The following QTRT2 variants were observed in gnomAD, a reference collection of about 807,000 sequenced individuals.
QTRT2 encodes queuine tRNA-ribosyltransferase domain containing 1.
QTRT2 carries 32 observed loss-of-function variants against 44.8 expected under a neutral mutation model. The ratio of observed to expected loss-of-function variants is 0.71; its 90% CI spans 0.54 to 0.96. The LOEUF is 0.96. QTRT2 is among the 40% of genes least tolerant of loss of function. QTRT2 has a pLI of 0.00. For synonymous variants in QTRT2, 182 were observed against 187.4 expected (o/e 0.97, Z 0.24); for missense variants, 461 against 503.1 (o/e 0.92, Z 0.80).
chr3:114,086,126 C>T lies in QTRT2; in HGVS notation c.*222C>T, dbSNP rs1026653369. 5 of 515,410 alleles carry T rather than the reference C, an allele frequency of 9.7e-6. No individual in the cohort carries two copies. In the Admixed American group the frequency reaches 1.6e-4, roughly 16 times the overall value. 31.9% of individuals were successfully genotyped at this position (515,410 alleles called of 1,614,324 possible). A position where few individuals can be genotyped will look rare whatever the true frequency, so the allele number is the denominator to read the frequency against. ...TGATCAGAGAGAATTGAACTGTGAC[C>T]TTTAAGACTTCTAGACTAATTCTTT... On this transcript the variant is annotated 3_prime_UTR_variant, in exon 10 of 10. Transcript: ENST00000281273.
chr3:114,077,060 T>A (rs1163325498), intron 7 of QTRT2, 118 bp downstream of exon 7: 2 of 989,080 alleles, frequency 2.0e-6, no homozygotes, highest in Non-Finnish European at 3.0e-6. Context: ...GTTTATGTCC[T>A]TTCTGGGCTG....
intron 7 of QTRT2, 110 bp from the exon 8 acceptor site, chr3:114,079,796 T>C (rs986790270): frequency 1.7e-5 from 17 of 1,005,602 alleles, no homozygotes; most frequent in Middle Eastern, 2.2e-4. Flanking sequence ...TAACCATGAT[T>C]GGTGTTTTTC....
chr3:114,076,653 C>T (rs2077094526), intron 6 of QTRT2, 90 bp from the exon 7 acceptor site: 1 of 1,249,490 alleles, frequency 8.0e-7, no homozygotes, highest in Non-Finnish European at 1.2e-6. Flanking sequence ...ACTGAGGTCT[C>T]TTCTATACAT....
intron 5 of QTRT2, 43 bp from the exon 6 acceptor site, chr3:114,070,583 C>T: frequency 1.3e-6 from 2 of 1,493,950 alleles, no homozygotes; most frequent in Non-Finnish European, 1.9e-6. Context: ...TTTTTATTTG[C>T]ATTTTACTCT....
intron 3 of QTRT2, among the ~76,000 whole-genome samples, chr3:114,066,022 C>T (rs370762151): frequency 6.6e-6 from 1 of 152,188 alleles, no homozygotes; most frequent in Non-Finnish European, 1.5e-5. Context: ...AGTTTCATGT[C>T]TCACAGAACC....
chr3:114,074,968 AT>A (rs1438396101), intron 6 of QTRT2, among the ~76,000 whole-genome samples: 1 of 152,246 alleles, frequency 6.6e-6, no homozygotes, highest in East Asian at 1.9e-4. Flanking sequence ...ATGGATAAAC[AT>A]TTAGGTTGTT....
At chr3:114,085,094 G>C (rs2077217831) in intron 9 of QTRT2, among the ~76,000 whole-genome samples, 1 of 152,186 alleles carries the variant, frequency 6.6e-6, no homozygotes, top group Non-Finnish European at 1.5e-5. Flanking sequence ...TACTCAACAT[G>C]AGTGAGCGAC....
At chr3:114,065,771 T>C (rs2076945075) in intron 3 of QTRT2, among the ~76,000 whole-genome samples, 1 of 152,162 alleles carries the variant, frequency 6.6e-6, no homozygotes, top group South Asian at 2.1e-4. Context: ...GGAGCTGTTA[T>C]CATGCACCAG....
chr3:114,070,608 C>A lies in QTRT2; in HGVS notation c.334-18C>A, dbSNP rs138235507. On this transcript the variant is annotated intron_variant, in intron 5 of 9. Transcript: ENST00000281273. ...CATTTTACTCTTGCTAATTCCTCAT[C>A]ATTTTGCTCCATGGCAGTCTGTGTC... 6.9e-6 allele frequency: 11 copies of A among 1,604,652 alleles called. No homozygotes were observed. Among genetic ancestry groups the A allele is most frequent in the Middle Eastern group, 1.6e-4 (1 of 6,066 alleles).
chr3:114,076,633 C>T (rs941946102), intron 6 of QTRT2, 110 bp from the exon 7 acceptor site: 8 of 961,624 alleles, frequency 8.3e-6, no homozygotes, highest in Non-Finnish European at 1.3e-5. Context: ...GCTTCAACTA[C>T]AGCAGCTTCA....
At position 114,079,957 on chromosome 3, in the gene QTRT2, A is replaced by T. The variant is rs776956533; in HGVS notation, c.798A>T (p.Arg266Ser). ...ATGAGGTGCTCGAGTGTATTGAAAGAGGAGTGGACTTATTTGAGAGTTTTT... is the reference window on the plus strand; with the variant it reads ...ATGAGGTGCTCGAGTGTATTGAAAGTGGAGTGGACTTATTTGAGAGTTTTT... The part of the protein sequence containing the change: ...RPDEVLECIE[R>S]GVDLFESFFP... Residue 266 changes from arginine to serine, a missense_variant, in exon 8 of 10, where the codon AGA (arginine) becomes AGT (serine). Arg to Ser is a moderately radical substitution (Grantham distance 110). Coordinates refer to ENST00000281273, the MANE Select transcript of QTRT2 (RefSeq NM_024638.4). 1.9e-6 allele frequency: 3 copies of T among 1,613,942 alleles called. No homozygotes were observed. The highest frequency in any genetic ancestry group is 1.6e-4 in the Middle Eastern group (1 of 6,062).
At chr3:114,075,589 G>GCCT in intron 6 of QTRT2, among the ~76,000 whole-genome samples, 1 of 147,146 alleles carries the variant, frequency 6.8e-6, no homozygotes, top group South Asian at 2.2e-4. Context: ...ACTCAGCGCA[G>GCCT]CCTCCTCCTC....
At chr3:114,083,771 T>A (rs1180469305) in intron 9 of QTRT2, among the ~76,000 whole-genome samples, 1 of 152,250 alleles carries the variant, frequency 6.6e-6, no homozygotes. Context: ...GAAATGGTGA[T>A]GTCTACCGCA....
intron 8 of QTRT2, 38 bp from the exon 9 acceptor site, chr3:114,082,639 G>T: frequency 1.2e-6 from 1 of 801,316 alleles, no homozygotes; most frequent in South Asian, 1.7e-5. Context: ...CTTCTTATCT[G>T]ATCATCATTC....
intron 2 of QTRT2, among the ~76,000 whole-genome samples, chr3:114,060,401 ATCT>A: frequency 1.3e-5 from 2 of 152,168 alleles, no homozygotes; most frequent in Non-Finnish European, 2.9e-5. Flanking sequence ...ATCTTCGCTT[ATCT>A]GTGGGGAATA....
rs71146306 is a variant in QTRT2 at position 114,082,204 on chromosome 3, C to CCACACACACACA, written c.899-435_899-424dup. Among the ~76,000 whole-genome samples, 897 of 138,840 alleles carry CCACACACACACA rather than the reference C, an allele frequency of 6.5e-3. 16 individuals carry two copies. Among genetic ancestry groups the CCACACACACACA allele is most frequent in the African/African-American group, 0.018 (651 of 36,742 alleles). 91.1% of individuals were successfully genotyped at this position (138,840 alleles called of 152,430 possible). A position where few individuals can be genotyped will look rare whatever the true frequency, so the allele number is the denominator to read the frequency against. ...ATGATAAGGGATAGTGATAACCCCA[C>CCACACACACACA]CACACACACACACACACACACACAC... is the stretch of plus-strand genomic sequence containing the variant. On this transcript the variant is annotated intron_variant, in intron 8 of 9. Transcript: ENST00000281273.
At chr3:114,061,898 A>G (rs1283105527) in intron 2 of QTRT2, among the ~76,000 whole-genome samples, 1 of 151,768 alleles carries the variant, frequency 6.6e-6, no homozygotes, top group Non-Finnish European at 1.5e-5. Flanking sequence ...TCTTTTTATG[A>G]CTTTCCACAG....
At chr3:114,072,611 C>T (rs2077038265) in intron 6 of QTRT2, among the ~76,000 whole-genome samples, 1 of 152,230 alleles carries the variant, frequency 6.6e-6, no homozygotes, top group South Asian at 2.1e-4. Context: ...TGGGTATCTT[C>T]ATCATGCAGC....
chr3:114,060,889 C>T (rs946492388), intron 2 of QTRT2, among the ~76,000 whole-genome samples: 1 of 152,142 alleles, frequency 6.6e-6, no homozygotes, highest in African/African-American at 2.4e-5. Context: ...ATCAATGTGA[C>T]AGCTCCTAAG....
Sources: allele counts gnomAD v4.1 joint callset (sites outside exome capture counted in the v4.1 genomes callset), GRCh38; gene constraint gnomAD v4.1.1; transcripts MANE v1.5; gene names NCBI Gene and HGNC (gene_info 2026-07-23, HGNC 2026-07-21).